The following THADA variants were observed in gnomAD, a reference collection of about 807,000 sequenced individuals.
THADA encodes the protein tRNA (32-2'-O)-methyltransferase regulator THADA.
A neutral mutation model predicts 219.8 loss-of-function variants in THADA; 213 were observed. The ratio of observed to expected loss-of-function variants is 0.97; its 90% CI spans 0.87 to 1.09. The LOEUF (loss-of-function observed/expected upper bound fraction) is 1.09, where lower values mean the gene tolerates loss of function less well. Ranked by LOEUF, THADA falls within the 50% of genes least tolerant of loss-of-function variation. The pLI is 0.00. For synonymous variants in THADA, 1,018 were observed against 828.9 expected (o/e 1.23, Z -3.92); for missense variants, 2,956 against 2,311.3 (o/e 1.28, Z -5.72).
At chr2:43,261,913 A>C (rs1452533434) in intron 36 of THADA, among the ~76,000 whole-genome samples, 1 of 152,184 alleles carries the variant, frequency 6.6e-6, no homozygotes, top group African/African-American at 2.4e-5. Context: ...CTAGGATTAC[A>C]GGCATGAGCC....
intron 34 of THADA, 113 bp from the exon 35 acceptor site, chr2:43,287,174 G>T (rs1199722353): frequency 1.1e-5 from 10 of 926,154 alleles, no homozygotes; most frequent in Admixed American, 8.9e-5. Context: ...TAGCTCAATG[G>T]GAAGAAAGTT....
At chr2:43,528,637 A>G (rs1693483639) in intron 21 of THADA, among the ~76,000 whole-genome samples, 1 of 152,306 alleles carries the variant, frequency 6.6e-6, no homozygotes, top group East Asian at 1.9e-4. Flanking sequence ...TTTAACTGCT[A>G]CACTAGAACT....
chr2:43,339,345 A>G (rs1666826177), intron 30 of THADA, among the ~76,000 whole-genome samples: 1 of 152,246 alleles, frequency 6.6e-6, no homozygotes, highest in Non-Finnish European at 1.5e-5. Flanking sequence ...CAGTGGCATG[A>G]TCTCAGCTCA....
chr2:43,258,465 T>G (rs935305589), intron 36 of THADA, among the ~76,000 whole-genome samples: 1 of 152,160 alleles, frequency 6.6e-6, no homozygotes. Flanking sequence ...GAGGTTGTGG[T>G]GAGCCGAGAT....
rs542684819 is a variant in THADA at position 43,324,311 on chromosome 2, T to C, written c.4344-3771A>G. On this transcript the variant is annotated intron_variant, in intron 30 of 37. Coordinates refer to ENST00000405975, the MANE Select transcript of THADA (RefSeq NM_022065.5). ...ACCCGGTACAGGCTGGTGACCTTAC[T>C]GGCCTCCTGGGACACTTCAGGAATC... Among the ~76,000 whole-genome samples the C allele has an allele frequency of 2.3e-4, 35 of 152,352 alleles. No homozygotes were observed. The South Asian group carries it at 7.2e-3, about 32-fold the overall frequency.
chr2:43,314,289 C>T (rs1196793636), intron 31 of THADA, among the ~76,000 whole-genome samples: 3 of 151,582 alleles, frequency 2.0e-5, no homozygotes, highest in African/African-American at 7.3e-5. Flanking sequence ...CAATATATTA[C>T]ACATACACAT....
At chr2:43,531,204 C>T (rs1693820999) in intron 21 of THADA, among the ~76,000 whole-genome samples, 1 of 152,176 alleles carries the variant, frequency 6.6e-6, no homozygotes, top group Non-Finnish European at 1.5e-5. Context: ...GATCCTTTTG[C>T]ACTGGAATAA....
intron 26 of THADA, among the ~76,000 whole-genome samples, chr2:43,440,972 C>G (rs1355109683): frequency 6.6e-6 from 1 of 152,124 alleles, no homozygotes; most frequent in East Asian, 1.9e-4. Context: ...ACTAGTTTAT[C>G]TTGGAAGCTA....
At chr2:43,553,008 C>G (rs187645484) in intron 17 of THADA, among the ~76,000 whole-genome samples, 9 of 152,252 alleles carry the variant, frequency 5.9e-5, no homozygotes, top group African/African-American at 2.2e-4. Flanking sequence ...TCTTTTGAAA[C>G]TGGCTTTTCA....
At chr2:43,231,555 G>A (rs1226255801) in intron 37 of THADA, among the ~76,000 whole-genome samples, 2 of 152,226 alleles carry the variant, frequency 1.3e-5, no homozygotes, top group African/African-American at 4.8e-5. Flanking sequence ...CTCCACCAGA[G>A]AGGAATTTTT....
intron 28 of THADA, among the ~76,000 whole-genome samples, chr2:43,404,405 A>G (rs1394264513): frequency 6.8e-6 from 1 of 147,774 alleles, no homozygotes; most frequent in Non-Finnish European, 1.5e-5. Context: ...AAGTAGAGAC[A>G]GGGTCTCATA....
rs1285125546 is a variant in THADA at position 43,581,885 on chromosome 2, C to T, written c.577G>A (p.Asp193Asn). Residue 193 changes from aspartate (D) to asparagine (N), a missense_variant, in exon 8 of 38, where the codon GAC (aspartate) becomes AAC (asparagine). By Grantham distance (23) the Asp-to-Asn change is conservative (BLOSUM62 1). Transcript: ENST00000405975. ...NHIIQTQLMN[D>N]LLVGIRVSMM... is the part of the protein sequence containing the mutation. Reference sequence around the variant, plus strand: ...GAAACTCTAATGCCTACCAGTAAGTCATTCATCAACTGTGTTTGAATAATA... The same window carrying T: ...GAAACTCTAATGCCTACCAGTAAGTTATTCATCAACTGTGTTTGAATAATA... 3.1e-6 allele frequency: 5 copies of T among 1,596,434 alleles called. No individual in the cohort carries two copies. The African/African-American group carries it at 6.8e-5, about 22-fold the overall frequency.
rs765743165 is a variant in THADA at position 43,570,447 on chromosome 2, G to T, written c.2128C>A (p.Arg710Ser). The change falls in exon 14 of 38, where the codon CGT becomes AGT. Residue 710 changes from arginine (R) to serine (S), a missense_variant. Physicochemically the swap from Arg to Ser is moderately radical, Grantham distance 110. Coordinates refer to ENST00000405975, the MANE Select transcript of THADA (RefSeq NM_022065.5). The part of the protein sequence containing the change: ...LYKLEQSKSK[R>S]EPENELTKQH... Reference sequence around the variant, plus strand: ...TTGGTTAACTCATTCTCTGGTTCACGTTTGGATTTACTCTGCTCCAATTTA... The same window carrying T: ...TTGGTTAACTCATTCTCTGGTTCACTTTTGGATTTACTCTGCTCCAATTTA... 14 of 1,613,468 alleles carry T rather than the reference G, an allele frequency of 8.7e-6. No individual in the cohort carries two copies. The East Asian group carries it at 1.1e-4, about 13-fold the overall frequency.
chr2:43,435,819 A>AATGC (rs1409259712), intron 26 of THADA, among the ~76,000 whole-genome samples: 1 of 151,046 alleles, frequency 6.6e-6, no homozygotes, highest in African/African-American at 2.4e-5. Flanking sequence ...AGAAAAAAGA[A>AATGC]ATGCATGAGG....
At position 43,479,985 on chromosome 2, in the gene THADA, G is replaced by A. The variant is rs568419297; in HGVS notation, c.3836+5249C>T. ...ATTTGAGATTATTGGTCAACATTCA[G>A]ACTTTGGGTGAAGTGGCTAATTTCC... On this transcript the variant is annotated intron_variant, in intron 26 of 37. Transcript: ENST00000405975. 5.9e-5 allele frequency among the ~76,000 whole-genome samples: 9 copies of A among 152,360 alleles called. No individual in the cohort carries two copies. In the East Asian group the frequency reaches 1.7e-3, roughly 29 times the overall value.
chr2:43,463,194 C>A (rs1326203502), intron 26 of THADA: 1 of 152,182 alleles, frequency 6.6e-6, no homozygotes, highest in African/African-American at 2.4e-5. Context: ...TACTTGATTT[C>A]TCTTGAGACT....
chr2:43,452,970 G>A (rs1343521315), intron 26 of THADA, among the ~76,000 whole-genome samples: 5 of 152,100 alleles, frequency 3.3e-5, no homozygotes, highest in African/African-American at 1.2e-4. Flanking sequence ...CCAGAAAAGA[G>A]TGTGTGTATT....
intron 22 of THADA, among the ~76,000 whole-genome samples, chr2:43,511,233 T>G (rs957378471): frequency 6.6e-6 from 1 of 152,188 alleles, no homozygotes; most frequent in African/African-American, 2.4e-5. Context: ...AAGAACGAAC[T>G]GCAGGACATG....
chr2:43,561,091 G>T (rs1698012901), intron 15 of THADA, among the ~76,000 whole-genome samples: 1 of 150,166 alleles, frequency 6.7e-6, no homozygotes, highest in Middle Eastern at 3.5e-3. Context: ...TCAGTATGAT[G>T]ACATATCCTG....
Sources: gnomAD v4.1 joint callset for allele counts (sites outside exome capture counted in the v4.1 genomes callset) on GRCh38, gnomAD v4.1.1 for gene constraint, MANE v1.5 for transcripts, NCBI Gene and HGNC (gene_info 2026-07-23, HGNC 2026-07-21) for gene names.